SMARCB1: variants seen among roughly 807,000 people sequenced by gnomAD.
The protein encoded by SMARCB1 is SWI/SNF related BAF chromatin remodeling complex subunit B1.
Under a neutral mutation model 49.0 loss-of-function variants are expected in SMARCB1, and 5 were observed. The observed-to-expected ratio is 0.10, with a 90% CI of 0.05 to 0.21. SMARCB1 has a LOEUF of 0.21. Among genes scored for constraint, SMARCB1 ranks in the 10% least tolerant of loss-of-function variants. SMARCB1 has a pLI of 1.00. For missense variants in SMARCB1, 226 were observed against 509.2 expected (o/e 0.44, Z 5.35); for synonymous variants, 201 against 200.1 (o/e 1.00, Z -0.04).
At chr22:23,806,548 G>A (rs943310964) in intron 5 of SMARCB1, among the ~76,000 whole-genome samples, 1 of 152,178 alleles carries the variant, frequency 6.6e-6, no homozygotes, top group African/African-American at 2.4e-5. Context: ...GGGCATGAGA[G>A]TCTTTATCAC....
chr22:23,800,118 C>T lies in SMARCB1; in HGVS notation c.363-826C>T, dbSNP rs554118990. ...TGCTGGGATTACAGGCGTGAGCCAC[C>T]GCACCTGGCCTGGTTTCGAACTCTT... On this transcript the variant is annotated intron_variant, in intron 3 of 8. Transcript: ENST00000644036. Among the ~76,000 whole-genome samples, 472 of 152,270 alleles carry T rather than the reference C, an allele frequency of 3.1e-3. 3 individuals carry two copies. Among genetic ancestry groups the T allele is most frequent in the South Asian group, 0.022 (108 of 4,830 alleles).
chr22:23,787,307 G>T lies in SMARCB1; in HGVS notation c.93+45G>T, dbSNP rs1242075374. The T allele has an allele frequency of 2.4e-6, 3 of 1,253,554 alleles. No homozygotes were observed. In the Admixed American group the frequency reaches 5.4e-5, roughly 23 times the overall value. The allele number at this position is 1,253,554 out of a possible 1,614,324, so 77.7% of individuals were successfully genotyped here. ...CGCCCTCCCCGGGCTCGGCCCCGCG[G>T]GAGCCCCGGGGCGGGCCCATGCGCC... On this transcript the variant is annotated intron_variant, in intron 1 of 8. Coordinates refer to ENST00000644036, the MANE Select transcript of SMARCB1 (RefSeq NM_003073.5).
At position 23,837,659 on chromosome 22, in the gene SMARCB1, C is replaced by T. The variant is rs1445333162; in HGVS notation, c.*3479C>T. On this transcript the variant is annotated 3_prime_UTR_variant, in exon 9 of 9. Transcript: ENST00000644036. ...GGACTAGATGTACCGGGAGGCTCACCCAGCAGGTCCACGAGGATGGAGTTG... is the reference window on the plus strand; with the variant it reads ...GGACTAGATGTACCGGGAGGCTCACTCAGCAGGTCCACGAGGATGGAGTTG... 1 of 1,611,712 alleles carries T rather than the reference C, an allele frequency of 6.2e-7. No individual in the cohort carries two copies. Among genetic ancestry groups the T allele is most frequent in the Admixed American group, 1.7e-5 (1 of 59,940 alleles).
chr22:23,795,688 A>G (rs1928699224), intron 3 of SMARCB1, among the ~76,000 whole-genome samples: 1 of 151,452 alleles, frequency 6.6e-6, no homozygotes, highest in African/African-American at 2.4e-5. Context: ...AAATAAATAA[A>G]TAAAAAATAA....
In SMARCB1 at chr22:23,801,022, C is replaced by T. The variant is rs751254908; in HGVS notation, c.441C>T (p.Cys147=). The change falls in exon 4 of 9, where the codon TGC becomes TGT. Residue 147 remains cysteine, a synonymous_variant. Coordinates refer to ENST00000644036, the MANE Select transcript of SMARCB1 (RefSeq NM_003073.5). ...CCCACCACTTAGATGCCGTGCCATG[C>T]TCCACAACCATCAACAGGAACCGCA... ...NSSHHLDAVP[C]STTINRNRMG... is the part of the protein sequence containing the mutation. 2 of 1,614,180 alleles carry T rather than the reference C, an allele frequency of 1.2e-6. No homozygotes were observed. Among genetic ancestry groups the T allele is most frequent in the South Asian group, 2.2e-5 (2 of 91,086 alleles).
chr22:23,836,787 A>G lies in SMARCB1; in HGVS notation c.*2607A>G. ...CCCTTGCATGGGCCCAGCCTTTAGG[A>G]TGGGTTTTTTCTGCCCCAAGTAGGG... is the stretch of plus-strand genomic sequence containing the variant. On this transcript the variant is annotated 3_prime_UTR_variant, in exon 9 of 9. Transcript: ENST00000644036. 1.4e-6 allele frequency: 2 copies of G among 1,410,962 alleles called. No individual in the cohort carries two copies. The highest frequency in any genetic ancestry group is 1.8e-6 in the Non-Finnish European group (2 of 1,082,472). The allele number at this position is 1,410,962 out of a possible 1,614,324, so 87.4% of individuals were successfully genotyped here. A position where few individuals can be genotyped will look rare whatever the true frequency, so the allele number is the denominator to read the frequency against.
At chr22:23,802,774 C>G (rs1929248462) in intron 4 of SMARCB1, 1 of 267,240 alleles carries the variant, frequency 3.7e-6, no homozygotes, top group African/African-American at 2.2e-5. Flanking sequence ...CTGGGACTCC[C>G]TCAGGGCAGT....
intron 2 of SMARCB1, chr22:23,793,308 C>A: frequency 1.8e-6 from 1 of 568,826 alleles, no homozygotes. Flanking sequence ...TCCCTCTGCC[C>A]CGAGCCAGTG....
At chr22:23,830,587 T>C (rs553602199) in intron 7 of SMARCB1, among the ~76,000 whole-genome samples, 1 of 152,172 alleles carries the variant, frequency 6.6e-6, no homozygotes, top group South Asian at 2.1e-4. Context: ...GATTGCCTTT[T>C]CACTTTCTTG....
At position 23,832,405 on chromosome 22, in the gene SMARCB1, C is replaced by T. The variant is rs35760086; in HGVS notation, c.987-1167C>T. ...TGTCCACCTGGCGCCTCCCCCGAGT[C>T]CGGCCTGCCCTTGCTTCTCCCAGAG... On this transcript the variant is annotated intron_variant, in intron 7 of 8. Transcript: ENST00000644036. Among the ~76,000 whole-genome samples, 824 of 152,326 alleles carry T rather than the reference C, an allele frequency of 5.4e-3. 6 individuals are homozygous for T. The highest frequency in any genetic ancestry group is 0.019 in the African/African-American group (791 of 41,570).
At chr22:23,802,949 T>A in intron 4 of SMARCB1, 1 of 395,628 alleles carries the variant, frequency 2.5e-6, no homozygotes, top group East Asian at 5.8e-5. Flanking sequence ...GAATATTTCC[T>A]CTTCTGGAAA....
intron 4 of SMARCB1, chr22:23,801,934 G>A (rs34844485): frequency 0.049 from 7,956 of 161,782 alleles, 669 homozygotes; most frequent in African/African-American, 0.18. Context: ...ATCTCGGCGC[G>A]TGGAGATCCA....
intron 6 of SMARCB1, among the ~76,000 whole-genome samples, chr22:23,821,041 A>G (rs17003964): frequency 0.12 from 18,831 of 152,250 alleles, 1,251 homozygotes; most frequent in South Asian, 0.27. Context: ...CGGGGCCTGC[A>G]GAGGAGCCAT....
At chr22:23,793,727 G>T (rs781012078) in intron 3 of SMARCB1, 39 bp downstream of exon 3, 3 of 1,608,718 alleles carry the variant, frequency 1.9e-6, no homozygotes, top group African/African-American at 2.7e-5. Context: ...GGGGACACCT[G>T]TGGGGTCTTT....
At chr22:23,816,711 C>A in intron 5 of SMARCB1, 59 bp from the exon 6 acceptor site, 1 of 1,499,632 alleles carries the variant, frequency 6.7e-7, no homozygotes. Flanking sequence ...GTGAGGGAGG[C>A]CGGTCCATGC....
intron 5 of SMARCB1, among the ~76,000 whole-genome samples, chr22:23,805,246 T>C (rs1929424951): frequency 6.6e-6 from 1 of 152,044 alleles, no homozygotes; most frequent in African/African-American, 2.4e-5. Context: ...GGAGGAGACA[T>C]GGGTGAGGGA....
chr22:23,788,513 C>T (rs1178486019), intron 1 of SMARCB1, among the ~76,000 whole-genome samples: 1 of 152,020 alleles, frequency 6.6e-6, no homozygotes, highest in Non-Finnish European at 1.5e-5. Context: ...TCAAGCGATC[C>T]TCCTGCCTCA....
At chr22:23,797,545 T>C (rs550621834) in intron 3 of SMARCB1, among the ~76,000 whole-genome samples, 79 of 145,270 alleles carry the variant, frequency 5.4e-4, no homozygotes, top group Non-Finnish European at 1.0e-3. Context: ...TTCCTGACCT[T>C]GTGATCCGCC....
rs1380628515 is a variant in SMARCB1, at chr22:23,835,687, C to A, written c.*1507C>A. The A allele has an allele frequency of 1.0e-6, 1 of 985,424 alleles. No homozygotes were observed. Among genetic ancestry groups the A allele is most frequent in the Non-Finnish European group, 1.2e-6 (1 of 829,976 alleles). 61.0% of individuals were successfully genotyped at this position (985,424 alleles called of 1,614,324 possible). ...GATTCCCAGCCCAGCTGCTCTTAGACATGAACAGGTTTCATTGCTGAGGTG... is the reference window on the plus strand; with the variant it reads ...GATTCCCAGCCCAGCTGCTCTTAGAAATGAACAGGTTTCATTGCTGAGGTG... On this transcript the variant is annotated 3_prime_UTR_variant, in exon 9 of 9. Coordinates refer to ENST00000644036, the MANE Select transcript of SMARCB1 (RefSeq NM_003073.5).
Sources: allele counts gnomAD v4.1 joint callset (sites outside exome capture counted in the v4.1 genomes callset), GRCh38; gene constraint gnomAD v4.1.1; transcripts MANE v1.5; gene names NCBI Gene and HGNC (gene_info 2026-07-23, HGNC 2026-07-21).